The following ASPRV1 variants were observed in gnomAD, a reference collection of about 807,000 sequenced individuals.
The protein encoded by ASPRV1 is retroviral-like aspartic protease 1.
In ASPRV1, 7 loss-of-function variants were observed where a neutral mutation model predicts 11.0. The observed-to-expected ratio is 0.64, with a 90% CI of 0.36 to 1.20. ASPRV1 has a LOEUF of 1.20. ASPRV1 is among the 50% of genes most tolerant of loss of function. ASPRV1 has a pLI of 0.02. For missense variants in ASPRV1, 299 were observed against 320.0 expected, an observed-to-expected ratio of 0.93 and a Z score of 0.50; for synonymous variants, 136 against 138.4, an observed-to-expected ratio of 0.98 and a Z score of 0.12.
At chr2:69,999,655 CAAAAAAAAAAA>C in the ASPRV1 span, among the ~76,000 whole-genome samples, 1 of 54,016 alleles carries the variant, frequency 1.9e-5, no homozygotes, top group Non-Finnish European at 4.2e-5. Context: ...GACTCTGTCT[CAAAAAAAAAAA>C]AAAAAAAAAA....
At chr2:70,000,130 T>A in the ASPRV1 span, among the ~76,000 whole-genome samples, 1 of 152,178 alleles carries the variant, frequency 6.6e-6, no homozygotes, top group Non-Finnish European at 1.5e-5. Context: ...TTTAGATTCA[T>A]GAATGCTTTA....
chr2:70,050,585 T>G, the ASPRV1 span: 1 of 151,988 alleles, frequency 6.6e-6, no homozygotes, highest in Admixed American at 6.6e-5. Context: ...AATGACAAAA[T>G]GGGAACAATT....
At chr2:69,958,714 G>C (rs545132985), downstream of ASPRV1, among the ~76,000 whole-genome samples, 1 of 152,174 alleles carries the variant, frequency 6.6e-6, no homozygotes, top group Non-Finnish European at 1.5e-5. Context: ...AGAGCAGCAT[G>C]CGTTAGGCCA....
the ASPRV1 span, among the ~76,000 whole-genome samples, chr2:69,967,779 CT>C: frequency 6.6e-6 from 1 of 152,168 alleles, no homozygotes; most frequent in African/African-American, 2.4e-5. Context: ...TTTCTGTAAG[CT>C]TAAAATTATT....
chr2:70,014,814 A>G, the ASPRV1 span, among the ~76,000 whole-genome samples: 41 of 150,166 alleles, frequency 2.7e-4, no homozygotes, highest in Non-Finnish European at 4.4e-4. Flanking sequence ...AAAAAAAAAA[A>G]AAAAGAAAAA....
At chr2:70,064,117 G>A in the ASPRV1 span, 4 of 152,162 alleles carry the variant, frequency 2.6e-5, no homozygotes, top group Non-Finnish European at 5.9e-5. Context: ...TTTGTGTCAG[G>A]CTTACCCTGG....
chr2:69,954,427 C>A, the ASPRV1 span, among the ~76,000 whole-genome samples: 3,713 of 152,314 alleles, frequency 0.024, 152 homozygotes, highest in African/African-American at 0.085. Context: ...TTGGCAGATA[C>A]ATTTGCATCG....
In ASPRV1 at chr2:69,960,818, C is replaced by G. The variant is rs1489042011; in HGVS notation, c.619G>C (p.Asp207His). The G allele has an allele frequency of 6.2e-7, 1 of 1,614,100 alleles. No homozygotes were observed. The highest frequency in any genetic ancestry group is 8.5e-7 in the Non-Finnish European group (1 of 1,180,012). The change falls in exon 1 of 1, where the codon GAC becomes CAC. Residue 207 changes from aspartate to histidine, a missense_variant. Coordinates refer to ENST00000320256, the MANE Select transcript of ASPRV1 (RefSeq NM_152792.4). ...TCAAAGTCCAGGATAGCATTGTGGT[C>G]CTGGAGCACATCAGTGCCAATGATG... ...EAIIGTDVLQ[D>H]HNAILDFEHR...
At chr2:70,007,308 AGGAG>A in the ASPRV1 span, among the ~76,000 whole-genome samples, 3 of 152,212 alleles carry the variant, frequency 2.0e-5, no homozygotes, top group South Asian at 6.2e-4. Flanking sequence ...ACCTGAGGTC[AGGAG>A]TCCTAGACCA....
chr2:70,064,990 G>A, the ASPRV1 span, among the ~76,000 whole-genome samples: 1 of 152,112 alleles, frequency 6.6e-6, no homozygotes, highest in Admixed American at 6.5e-5. Context: ...AGCTACTGAG[G>A]AGGCTGAGGC....
chr2:69,970,198 C>A, the ASPRV1 span, among the ~76,000 whole-genome samples: 1 of 152,116 alleles, frequency 6.6e-6, no homozygotes, highest in Non-Finnish European at 1.5e-5. Flanking sequence ...CTCCATGCCT[C>A]TTCACACCCT....
At chr2:69,945,205 C>G in the ASPRV1 span, among the ~76,000 whole-genome samples, 1 of 151,662 alleles carries the variant, frequency 6.6e-6, no homozygotes, top group Admixed American at 6.5e-5. Context: ...TACCACTACA[C>G]TCCAGCCTGG....
the ASPRV1 span, among the ~76,000 whole-genome samples, chr2:70,039,013 A>T: frequency 6.6e-6 from 1 of 151,290 alleles, no homozygotes; most frequent in Non-Finnish European, 1.5e-5. Context: ...TGGGAGGCAA[A>T]GGTTGCAGTA....
At chr2:69,970,564 C>A in the ASPRV1 span, among the ~76,000 whole-genome samples, 35 of 152,294 alleles carry the variant, frequency 2.3e-4, no homozygotes, top group African/African-American at 7.5e-4. Context: ...TAAGACACTA[C>A]CACCTCCAGG....
At chr2:69,981,869 C>T in the ASPRV1 span, among the ~76,000 whole-genome samples, 1 of 152,150 alleles carries the variant, frequency 6.6e-6, no homozygotes, top group East Asian at 1.9e-4. Flanking sequence ...ATTTTCTCTA[C>T]TTTTAAATGA....
the ASPRV1 span, among the ~76,000 whole-genome samples, chr2:69,945,639 C>T: frequency 2.5e-3 from 383 of 152,322 alleles, 1 homozygote; most frequent in African/African-American, 8.8e-3. Context: ...CTGAAGCTTC[C>T]GGGAGCCTCC....
chr2:69,996,595 G>A, the ASPRV1 span: 14 of 412,186 alleles, frequency 3.4e-5, no homozygotes, highest in East Asian at 1.0e-3. Flanking sequence ...CATTCCTTCA[G>A]GAATGCAACG....
At chr2:70,038,825 T>C in the ASPRV1 span, among the ~76,000 whole-genome samples, 2 of 152,156 alleles carry the variant, frequency 1.3e-5, no homozygotes. Context: ...ACGCCTGTAA[T>C]CCCAGCACTT....
chr2:70,007,419 G>A, the ASPRV1 span, among the ~76,000 whole-genome samples: 1 of 152,136 alleles, frequency 6.6e-6, no homozygotes, highest in Non-Finnish European at 1.5e-5. Context: ...TACTTGGGAG[G>A]CTGAGGCAGA....
Sources: gnomAD v4.1 joint callset for allele counts (sites outside exome capture counted in the v4.1 genomes callset) on GRCh38, gnomAD v4.1.1 for gene constraint, MANE v1.5 for transcripts, NCBI Gene and HGNC (gene_info 2026-07-23, HGNC 2026-07-21) for gene names.